The following PPM1L variants were observed in gnomAD, a reference collection of about 807,000 sequenced individuals.
The protein encoded by PPM1L is protein phosphatase, Mg2+/Mn2+ dependent 1L.
A neutral mutation model predicts 31.4 loss-of-function variants in PPM1L; 13 were observed. The observed-to-expected ratio is 0.41, with a 90% CI of 0.27 to 0.66. The LOEUF (loss-of-function observed/expected upper bound fraction) is 0.66, where lower values mean the gene tolerates loss of function less well. PPM1L is among the 30% of genes least tolerant of loss of function. PPM1L has a pLI of 0.29. For synonymous variants in PPM1L, 184 were observed against 175.4 expected (o/e 1.05, Z -0.39); for missense variants, 326 against 453.7 (o/e 0.72, Z 2.56).
At chr3:161,067,950 C>G (rs1214996862) in intron 3 of PPM1L, among the ~76,000 whole-genome samples, 3 of 152,162 alleles carry the variant, frequency 2.0e-5, no homozygotes, top group Admixed American at 6.5e-5. Context: ...GTATTTAATA[C>G]TTTTTGTGGC....
chr3:161,006,405 A>G (rs778167121), intron 2 of PPM1L, among the ~76,000 whole-genome samples: 2 of 152,184 alleles, frequency 1.3e-5, no homozygotes, highest in Non-Finnish European at 2.9e-5. Flanking sequence ...GTTTTGGGAG[A>G]TGAAAAAATT....
At chr3:160,903,024 G>A (rs1032996025) in intron 1 of PPM1L, among the ~76,000 whole-genome samples, 5 of 152,074 alleles carry the variant, frequency 3.3e-5, no homozygotes, top group African/African-American at 1.2e-4. Flanking sequence ...CCTTAGATAA[G>A]GTACATATCT....
At chr3:160,842,788 G>T (rs1713925887) in intron 1 of PPM1L, among the ~76,000 whole-genome samples, 2 of 152,086 alleles carry the variant, frequency 1.3e-5, no homozygotes, top group Admixed American at 1.3e-4. Context: ...TGATGTCTAG[G>T]TGCCAACTGG....
At chr3:160,800,320 G>A (rs187199652) in intron 1 of PPM1L, among the ~76,000 whole-genome samples, 54 of 152,204 alleles carry the variant, frequency 3.5e-4, no homozygotes, top group Middle Eastern at 3.4e-3. Flanking sequence ...GGTGGATTGG[G>A]AAAACAGGGA....
chr3:160,992,567 C>T (rs1050384326), intron 2 of PPM1L, among the ~76,000 whole-genome samples: 4 of 152,180 alleles, frequency 2.6e-5, no homozygotes, highest in African/African-American at 9.7e-5. Flanking sequence ...TGGTTTGACC[C>T]AGGTCTCAAA....
rs188807442 is a variant in PPM1L, at chr3:160,888,239, A to G, written c.400-73497A>G. Among the ~76,000 whole-genome samples, 29 of 152,334 alleles carry G rather than the reference A, an allele frequency of 1.9e-4. No individual in the cohort carries two copies. The East Asian group carries it at 4.4e-3, about 23-fold the overall frequency. On this transcript the variant is annotated intron_variant, in intron 1 of 3. Coordinates refer to ENST00000498165, the MANE Select transcript of PPM1L (RefSeq NM_139245.4). ...CACAATTAAAAGACACAGACTGGCA[A>G]GTTGGATACAGAGTCAAGACCCATT...
chr3:161,052,317 C>G (rs1344044344), intron 2 of PPM1L, among the ~76,000 whole-genome samples: 2 of 152,208 alleles, frequency 1.3e-5, no homozygotes, highest in African/African-American at 4.8e-5. Flanking sequence ...TCCCTTGCAT[C>G]TTCCTCTACT....
At chr3:160,990,172 T>C (rs1330182206) in intron 2 of PPM1L, among the ~76,000 whole-genome samples, 1 of 151,982 alleles carries the variant, frequency 6.6e-6, no homozygotes, top group Non-Finnish European at 1.5e-5. Context: ...CTTTTTTTTG[T>C]TTGTTTTTTG....
chr3:160,768,404 C>T, intron 1 of PPM1L, among the ~76,000 whole-genome samples: 1 of 152,110 alleles, frequency 6.6e-6, no homozygotes, highest in Non-Finnish European at 1.5e-5. Context: ...TCTAGTCTGG[C>T]TTCATCAGAG....
chr3:161,007,266 GT>G (rs1261437157), intron 2 of PPM1L, among the ~76,000 whole-genome samples: 43 of 152,358 alleles, frequency 2.8e-4, no homozygotes, highest in African/African-American at 9.6e-4. Context: ...ACATAAGTAG[GT>G]TACTATTGTG....
intron 1 of PPM1L, among the ~76,000 whole-genome samples, chr3:160,793,450 A>G (rs1416759452): frequency 6.6e-6 from 1 of 152,140 alleles, no homozygotes; most frequent in Non-Finnish European, 1.5e-5. Context: ...TCAAGTCGTT[A>G]TGATCTGTGG....
chr3:160,794,922 A>C (rs1401535899), intron 1 of PPM1L, among the ~76,000 whole-genome samples: 1 of 152,194 alleles, frequency 6.6e-6, no homozygotes, highest in Non-Finnish European at 1.5e-5. Flanking sequence ...GAGGAAACGC[A>C]GGGGGTAATG....
In PPM1L at chr3:160,913,645, T is replaced by C. The variant is rs149255165; in HGVS notation, c.400-48091T>C. ...TCTCTAGAATTTCATATTAATGAGA[T>C]CGTATAATATGTACTCTTATATCTG... On this transcript the variant is annotated intron_variant, in intron 1 of 3. Transcript: ENST00000498165. Among the ~76,000 whole-genome samples the C allele has an allele frequency of 2.8e-3, 428 of 152,282 alleles. 3 individuals carry two copies. Among genetic ancestry groups the C allele is most frequent in the East Asian group, 0.011 (59 of 5,182 alleles).
chr3:160,963,750 C>T (rs996889865), intron 2 of PPM1L, among the ~76,000 whole-genome samples: 3 of 152,124 alleles, frequency 2.0e-5, no homozygotes, highest in Admixed American at 1.3e-4. Context: ...CAATTTTTTC[C>T]TGCTTCAGAC....
At chr3:160,908,828 T>C (rs946807633) in intron 1 of PPM1L, among the ~76,000 whole-genome samples, 5 of 152,176 alleles carry the variant, frequency 3.3e-5, no homozygotes, top group African/African-American at 1.2e-4. Flanking sequence ...TCAGAGAAGC[T>C]AGTGTTTGAG....
At chr3:160,866,618 T>C (rs1192539562) in intron 1 of PPM1L, among the ~76,000 whole-genome samples, 1 of 152,220 alleles carries the variant, frequency 6.6e-6, no homozygotes, top group Non-Finnish European at 1.5e-5. Context: ...AGAACCACTT[T>C]AATGGAGCTC....
chr3:160,878,591 C>G lies in PPM1L; in HGVS notation c.400-83145C>G, dbSNP rs993862909. Among the ~76,000 whole-genome samples, 257 of 152,206 alleles carry G rather than the reference C, an allele frequency of 1.7e-3. 1 individual carries two copies. The highest frequency in any genetic ancestry group is 5.6e-3 in the African/African-American group (231 of 41,514). On this transcript the variant is annotated intron_variant, in intron 1 of 3. Transcript: ENST00000498165. ...CTAAACCTACTTACTTCTCAAAGGC[C>G]CCATCTCCAGATACCATCACACTGA...
intron 1 of PPM1L, among the ~76,000 whole-genome samples, chr3:160,959,375 A>G (rs1184385704): frequency 1.3e-5 from 2 of 152,198 alleles, no homozygotes; most frequent in African/African-American, 4.8e-5. Flanking sequence ...GGGTGCACCA[A>G]AATCTCAGAA....
intron 1 of PPM1L, among the ~76,000 whole-genome samples, chr3:160,829,637 G>T (rs999516255): frequency 6.6e-6 from 1 of 152,084 alleles, no homozygotes; most frequent in Non-Finnish European, 1.5e-5. Flanking sequence ...TTTCCTTCTT[G>T]CCTCACTAAC....
Sources: gnomAD v4.1 joint callset for allele counts (sites outside exome capture counted in the v4.1 genomes callset) on GRCh38, gnomAD v4.1.1 for gene constraint, MANE v1.5 for transcripts, NCBI Gene and HGNC (gene_info 2026-07-23, HGNC 2026-07-21) for gene names.